PRR5: variants seen among roughly 807,000 people sequenced by gnomAD.
PRR5 encodes proline rich 5, also known as proline-rich protein 5.
PRR5 carries 25 observed loss-of-function variants against 30.6 expected under a neutral mutation model. That is an observed-to-expected ratio of 0.82 (90% CI 0.60 to 1.14). The LOEUF is 1.14. Ranked by LOEUF, PRR5 falls within the 50% of genes most tolerant of loss-of-function variation. PRR5 has a pLI of 0.00. For missense variants in PRR5, 600 were observed against 547.1 expected (o/e 1.10, Z -0.96); for synonymous variants, 286 against 247.1 (o/e 1.16, Z -1.48).
intron 2 of PRR5, among the ~76,000 whole-genome samples, chr22:44,723,122 A>AT (rs1294493269): frequency 2.6e-5 from 4 of 151,886 alleles, no homozygotes; most frequent in African/African-American, 9.7e-5. Context: ...AGGAGCTGAG[A>AT]TTATAGGTGC....
intron 3 of PRR5, 127 bp downstream of exon 3, chr22:44,725,419 C>G: frequency 7.6e-7 from 1 of 1,311,472 alleles, no homozygotes; most frequent in Non-Finnish European, 1.1e-6. Flanking sequence ...TTCCAAGGAC[C>G]TGCCTCGTTC....
intron 1 of PRR5, among the ~76,000 whole-genome samples, chr22:44,696,390 C>G (rs557064343): frequency 6.6e-6 from 1 of 152,262 alleles, no homozygotes; most frequent in South Asian, 2.1e-4. Flanking sequence ...AAACACCTGC[C>G]CCAGAAGAGA....
Position 44,732,335 on chromosome 22 carries a change from GC to G in PRR5, c.502del (p.Arg168GlyfsTer26), listed in dbSNP as rs752948888. Reference sequence around the variant, plus strand: ...CAGTGTGAAGCTAGAGGATGCGCTGGCCCGGGCCCATGCCCGTGTGCCCCCT... The same window carrying G: ...CAGTGTGAAGCTAGAGGATGCGCTGGCCGGGCCCATGCCCGTGTGCCCCCT... ...TLSVKLEDAL[A>X]RAHARVPPAI... On this transcript the variant is annotated frameshift_variant, in exon 6 of 8. Transcript: ENST00000336985. LOFTEE classifies it high-confidence loss of function. 1.9e-6 allele frequency: 3 copies of G among 1,612,170 alleles called. No individual in the cohort carries two copies. The highest frequency in any genetic ancestry group is 2.5e-6 in the Non-Finnish European group (3 of 1,179,938).
chr22:44,730,305 G>A (rs1476815839), intron 4 of PRR5: 5 of 985,174 alleles, frequency 5.1e-6, no homozygotes, highest in African/African-American at 1.7e-5. Context: ...ACTCAGAGGC[G>A]CCCACACCAA....
intron 4 of PRR5, among the ~76,000 whole-genome samples, chr22:44,727,126 A>G (rs559865954): frequency 6.9e-6 from 1 of 145,234 alleles, no homozygotes; most frequent in East Asian, 2.1e-4. Context: ...AGTGATGATA[A>G]GTGATTTGCC....
At chr22:44,734,820 C>G in intron 6 of PRR5, 1 of 666,160 alleles carries the variant, frequency 1.5e-6, no homozygotes, top group Non-Finnish European at 2.5e-6. Context: ...CCCGACGCTG[C>G]TGTGAGCAGC....
upstream of PRR5, among the ~76,000 whole-genome samples, chr22:44,674,519 G>A (rs1391793915): frequency 5.3e-5 from 8 of 151,806 alleles, no homozygotes; most frequent in South Asian, 1.2e-3. Context: ...TCAGGAGATC[G>A]AGACCATCCT....
upstream of PRR5, among the ~76,000 whole-genome samples, chr22:44,674,312 AT>A (rs748694199): frequency 6.6e-6 from 1 of 151,562 alleles, no homozygotes; most frequent in Non-Finnish European, 1.5e-5. Context: ...TTTTGGGTTT[AT>A]TTTTATTTTT....
At chr22:44,687,499 GCA>G (rs1222895991) in intron 1 of PRR5, among the ~76,000 whole-genome samples, 1 of 152,156 alleles carries the variant, frequency 6.6e-6, no homozygotes, top group East Asian at 1.9e-4. Flanking sequence ...CAGGAGAACT[GCA>G]CACTTTTTCC....
chr22:44,733,199 A>C (rs1922552641), intron 6 of PRR5, among the ~76,000 whole-genome samples: 1 of 152,154 alleles, frequency 6.6e-6, no homozygotes, highest in African/African-American at 2.4e-5. Context: ...TGGGGCCCCC[A>C]GTGGCATCCA....
At chr22:44,725,384 C>G (rs967210188) in intron 3 of PRR5, 92 bp downstream of exon 3, 1 of 1,560,476 alleles carries the variant, frequency 6.4e-7, no homozygotes, top group Non-Finnish European at 8.7e-7. Flanking sequence ...TGTGGAGCGC[C>G]GGCTCCCCCA....
chr22:44,699,934 G>GT (rs11309122), upstream of PRR5, among the ~76,000 whole-genome samples: 2,598 of 148,914 alleles, frequency 0.017, 27 homozygotes, highest in East Asian at 0.041. Flanking sequence ...TGTTGTTTTT[G>GT]TTTTTTTTTT....
intron 1 of PRR5, among the ~76,000 whole-genome samples, chr22:44,710,302 C>T (rs1569088037): frequency 1.3e-5 from 2 of 152,006 alleles, no homozygotes; most frequent in Admixed American, 1.3e-4. Context: ...CCCCAGCGCT[C>T]AGGAGGGGCT....
chr22:44,723,732 T>C (rs1416738675), intron 2 of PRR5, among the ~76,000 whole-genome samples: 1 of 152,040 alleles, frequency 6.6e-6, no homozygotes, highest in Non-Finnish European at 1.5e-5. Context: ...AAAATAAAAA[T>C]AAAAAATAAA....
intron 1 of PRR5, among the ~76,000 whole-genome samples, chr22:44,708,753 G>A (rs1187755055): frequency 6.6e-6 from 1 of 152,066 alleles, no homozygotes; most frequent in Non-Finnish European, 1.5e-5. Context: ...GATCATCTGA[G>A]GTCAGGAGTT....
chr22:44,718,258 G>A (rs1452651021), intron 2 of PRR5, among the ~76,000 whole-genome samples: 9 of 142,072 alleles, frequency 6.3e-5, no homozygotes, highest in South Asian at 2.3e-4. Flanking sequence ...GCAGTGGGGC[G>A]ATCTTGGCTC....
At chr22:44,688,000 C>T (rs968010334) in intron 1 of PRR5, among the ~76,000 whole-genome samples, 2 of 150,980 alleles carry the variant, frequency 1.3e-5, no homozygotes, top group Admixed American at 1.3e-4. Context: ...GTCTCGAACT[C>T]CTGACCTCAG....
chr22:44,706,968 G>C (rs1222772222), intron 1 of PRR5, among the ~76,000 whole-genome samples: 2 of 152,170 alleles, frequency 1.3e-5, no homozygotes, highest in African/African-American at 2.4e-5. Flanking sequence ...CCCCTAGCCT[G>C]TGACAGATCT....
At chr22:44,731,646 C>T (rs780245319) in intron 4 of PRR5, 84 bp from the exon 5 acceptor site, 2 of 1,406,890 alleles carry the variant, frequency 1.4e-6, no homozygotes, top group Non-Finnish European at 2.0e-6. Context: ...TCCACTCCCG[C>T]ATCCTCTGAT....
Sources: gnomAD v4.1 joint callset for allele counts (sites outside exome capture counted in the v4.1 genomes callset) on GRCh38, gnomAD v4.1.1 for gene constraint, MANE v1.5 for transcripts, NCBI Gene and HGNC (gene_info 2026-07-23, HGNC 2026-07-21) for gene names.